Variants in AHNAK2 observed in about 807,000 individuals in gnomAD.
The protein encoded by AHNAK2 is AHNAK nucleoprotein 2, also known as protein AHNAK2.
Under a neutral mutation model 30.7 loss-of-function variants are expected in AHNAK2, and 18 were observed. The observed-to-expected ratio is 0.59, with a 90% CI of 0.41 to 0.87. AHNAK2 has a LOEUF of 0.87. AHNAK2 is among the 40% of genes least tolerant of loss of function. AHNAK2 has a pLI of 0.00. For synonymous variants in AHNAK2, 3,590 were observed against 3,073.8 expected (o/e 1.17, Z -5.56); for missense variants, 8,604 against 7,373.0 (o/e 1.17, Z -6.11).
Position 104,944,556 on chromosome 14 carries a change from G to C in AHNAK2, c.10895C>G (p.Thr3632Ser), listed in dbSNP as rs202237811. The C allele has an allele frequency of 1.2e-6, 2 of 1,613,214 alleles. No homozygotes were observed. The highest frequency in any genetic ancestry group is 4.5e-5 in the East Asian group (2 of 44,830). ...GDLSLADKDV[T>S]AKDSKFKMPK... ...CATTTTGAACTTGCTGTCTTTGGCA[G>C]TCACGTCCTTGTCAGCCAGGGACAG... Residue 3632 changes from threonine (T) to serine (S), a missense_variant, in exon 7 of 7, where the codon ACT becomes AGT. Transcript: ENST00000333244.
In AHNAK2 at chr14:104,951,575, G is replaced by A. The variant is rs779963206; in HGVS notation, c.3876C>T (p.Pro1292=). The stretch of plus-strand genomic sequence containing the variant: ...GGGCCTGCATGTCCACCTCCACACT[G>A]GGCAGAGACACAGCCACTTCGTGGG... ...VTAHEVAVSL[P]SVEVDMQAPG... Residue 1292 remains proline, a synonymous_variant, in exon 7 of 7, where the codon CCC becomes CCT. Coordinates refer to ENST00000333244, the MANE Select transcript of AHNAK2 (RefSeq NM_138420.4). The A allele has an allele frequency of 4.5e-5, 56 of 1,247,798 alleles. 21 individuals carry two copies. Among genetic ancestry groups the A allele is most frequent in the Middle Eastern group, 2.5e-4 (1 of 4,002 alleles). The allele number at this position is 1,247,798 out of a possible 1,614,324, so 77.3% of individuals were successfully genotyped here.
chr14:104,944,731 G>A lies in AHNAK2; in HGVS notation c.10720C>T (p.Pro3574Ser), dbSNP rs1486209335. ...LKTPKVDLKG[P>S]QIDVKGPKLD... The stretch of plus-strand genomic sequence containing the variant: ...TTGGGGCCCTTAACATCTATCTGGG[G>A]GCCCTTGAGGTCCACTTTGGGCGTC... Residue 3574 changes from proline (P) to serine (S), a missense_variant, in exon 7 of 7, where the codon CCC (proline) becomes TCC (serine). Coordinates refer to ENST00000333244, the MANE Select transcript of AHNAK2 (RefSeq NM_138420.4). The A allele has an allele frequency of 3.1e-6, 5 of 1,612,226 alleles. No individual in the cohort carries two copies. The highest frequency in any genetic ancestry group is 4.2e-6 in the Non-Finnish European group (5 of 1,179,458).
chr14:104,944,840 C>T lies in AHNAK2; in HGVS notation c.10611G>A (p.Val3537=). 3 of 1,612,722 alleles carry T rather than the reference C, an allele frequency of 1.9e-6. No homozygotes were observed. The East Asian group carries it at 6.7e-5, about 36-fold the overall frequency. Reference sequence around the variant, plus strand: ...CGGGGCCCTCCAGGAGTTCCACATCCACTTGGACAGCCTGGACCTCCAGGT... The same window carrying T: ...CGGGGCCCTCCAGGAGTTCCACATCTACTTGGACAGCCTGGACCTCCAGGT... ...SADLEVQAVQ[V]DVELLEGPVP... Residue 3537 remains valine, a synonymous_variant, in exon 7 of 7, where the codon GTG becomes GTA. Transcript: ENST00000333244.
Position 104,939,572 on chromosome 14 carries a change from G to A in AHNAK2, c.15879C>T (p.Ser5293=), listed in dbSNP as rs1220787153. 16 of 1,613,706 alleles carry A rather than the reference G, an allele frequency of 9.9e-6. No individual in the cohort carries two copies. Among genetic ancestry groups the A allele is most frequent in the Admixed American group, 1.7e-5 (1 of 59,998 alleles). The stretch of plus-strand genomic sequence containing the variant: ...ATGGATGGATCCTGACCTCAGAAGT[G>A]GAAAGCTCATCCCCAGTCATCCCAG... The part of the protein sequence containing the change: ...STAGMTGDEL[S]TSEVRIHPSK... The change falls in exon 7 of 7, where the codon TCC becomes TCT. Residue 5293 remains serine, a synonymous_variant. Coordinates refer to ENST00000333244, the MANE Select transcript of AHNAK2 (RefSeq NM_138420.4).
chr14:104,944,688 G>A lies in AHNAK2; in HGVS notation c.10763C>T (p.Pro3588Leu). 1 of 1,612,918 alleles carries A rather than the reference G, an allele frequency of 6.2e-7. No homozygotes were observed. Among genetic ancestry groups the A allele is most frequent in the Non-Finnish European group, 8.5e-7 (1 of 1,179,612 alleles). ...ATCGGGGACTCTCACTTCTGCCTTGGGGCCTTTCAGGTCCAGCTTGGGGCC... is the reference window on the plus strand; with the variant it reads ...ATCGGGGACTCTCACTTCTGCCTTGAGGCCTTTCAGGTCCAGCTTGGGGCC... ...VKGPKLDLKGPKAEVRVPDVE... is the reference protein window; with the variant it reads ...VKGPKLDLKGLKAEVRVPDVE... Residue 3588 changes from proline to leucine, a missense_variant, in exon 7 of 7, where the codon CCC (proline) becomes CTC (leucine). Pro to Leu is a moderately conservative substitution (Grantham distance 98). Coordinates refer to ENST00000333244, the MANE Select transcript of AHNAK2 (RefSeq NM_138420.4).
chr14:104,950,521 G>C lies in AHNAK2; in HGVS notation c.4930C>G (p.Leu1644Val). ...KLDGAQLEGD[L>V]SLADKAVTAK... ...GTCACCGCCTTGTCGGCCAGGGACA[G>C]GTCCCCCTCCAGCTGCGCACCATCC... Residue 1644 changes from leucine to valine, a missense_variant, in exon 7 of 7, where the codon CTG becomes GTG. Coordinates refer to ENST00000333244, the MANE Select transcript of AHNAK2 (RefSeq NM_138420.4). 1 of 1,586,238 alleles carries C rather than the reference G, an allele frequency of 6.3e-7. No homozygotes were observed. The highest frequency in any genetic ancestry group is 8.6e-7 in the Non-Finnish European group (1 of 1,162,754).
chr14:104,952,502 G>A lies in AHNAK2; in HGVS notation c.2949C>T (p.Asp983=). Residue 983 remains aspartate, a synonymous_variant, in exon 7 of 7, where the codon GAC becomes GAT. Coordinates refer to ENST00000333244, the MANE Select transcript of AHNAK2 (RefSeq NM_138420.4). The stretch of plus-strand genomic sequence containing the variant: ...TCACGTCCTTGTCGGCCAGGGACAG[G>A]TCCCCCTCCAGCCACGCACCATCCA... The part of the protein sequence containing the change: ...AKLDGAWLEG[D]LSLADKDVTA... 1 of 1,611,304 alleles carries A rather than the reference G, an allele frequency of 6.2e-7. No homozygotes were observed. The highest frequency in any genetic ancestry group is 8.5e-7 in the Non-Finnish European group (1 of 1,179,206).
At position 104,949,985 on chromosome 14, in the gene AHNAK2, C is replaced by T. The variant is rs1018322808; in HGVS notation, c.5466G>A (p.Lys1822=). ...GCATCTTGAACTTGGGCATTTTGAACTTGCTGTCTTTGGCAGTCACATCCT... is the reference window on the plus strand; with the variant it reads ...GCATCTTGAACTTGGGCATTTTGAATTTGCTGTCTTTGGCAGTCACATCCT... ...ADKDVTAKDS[K]FKMPKFKMPS... The change falls in exon 7 of 7, where the codon AAG becomes AAA. Residue 1822 remains lysine, a synonymous_variant. Transcript: ENST00000333244. The T allele has an allele frequency of 7.6e-6, 12 of 1,588,720 alleles. No individual in the cohort carries two copies. The highest frequency in any genetic ancestry group is 4.1e-5 in the African/African-American group (3 of 72,406).
intron 1 of AHNAK2, among the ~76,000 whole-genome samples, chr14:104,974,177 C>T (rs1303020914): frequency 6.6e-6 from 1 of 152,254 alleles, no homozygotes; most frequent in Non-Finnish European, 1.5e-5. Flanking sequence ...AAGCTCGCAG[C>T]GTGGCTGGGG....
Position 104,947,107 on chromosome 14 carries a change from C to G in AHNAK2, c.8344G>C (p.Asp2782His), listed in dbSNP as rs752414335. The stretch of plus-strand genomic sequence containing the variant: ...AGCTTTGCTCTCGGGGCCTGGACGT[C>G]CACCTCCATGCTGGACAGAGACATC... Reference protein sequence around the residue: ...VKMSLSSMEVDVQAPRAKLDG... With the variant: ...VKMSLSSMEVHVQAPRAKLDG... The change falls in exon 7 of 7, where the codon GAC (aspartate) becomes CAC (histidine). Residue 2782 changes from aspartate to histidine, a missense_variant. Physicochemically the swap from Asp to His is moderately conservative, Grantham distance 81 (BLOSUM62 -1). Transcript: ENST00000333244. 1 of 1,612,350 alleles carries G rather than the reference C, an allele frequency of 6.2e-7. No individual in the cohort carries two copies. Among genetic ancestry groups the G allele is most frequent in the Non-Finnish European group, 8.5e-7 (1 of 1,179,528 alleles).
In AHNAK2 at chr14:104,948,913, G is replaced by C. The variant is rs201959909; in HGVS notation, c.6538C>G (p.Pro2180Ala). ...CTCATGTCGGCCTCCACCTTGGGTG[G>C]AGACACATCCACCGAGGCCTCGATG... is the stretch of plus-strand genomic sequence containing the variant. ...KSIEASVDVS[P>A]PKVEADMSLP... Residue 2180 changes from proline to alanine, a missense_variant, in exon 7 of 7, where the codon CCA becomes GCA. Transcript: ENST00000333244. 0.013 allele frequency: 19,625 copies of C among 1,490,722 alleles called. 1,302 individuals are homozygous for C. In the African/African-American group the frequency reaches 0.18, roughly 14 times the overall value. The allele number at this position is 1,490,722 out of a possible 1,614,324, so 92.3% of individuals were successfully genotyped here.
At position 104,941,327 on chromosome 14, in the gene AHNAK2, T is replaced by G; in HGVS notation, c.14124A>C (p.Lys4708Asn). The change falls in exon 7 of 7, where the codon AAA becomes AAC. Residue 4708 changes from lysine (K) to asparagine (N), a missense_variant. By Grantham distance (94) the Lys-to-Asn change is moderately conservative. Transcript: ENST00000333244. ...GAGTTTTGGTAGAAGAAAATGAAAC[T>G]TTGGGCACTTTAAAATGCAGTTTCT... ...KFKKLHFKVPKVSFSSTKTPK... is the reference protein window; with the variant it reads ...KFKKLHFKVPNVSFSSTKTPK... The G allele has an allele frequency of 6.2e-7, 1 of 1,613,600 alleles. No homozygotes were observed. The highest frequency in any genetic ancestry group is 8.5e-7 in the Non-Finnish European group (1 of 1,179,892).
Position 104,948,435 on chromosome 14 carries a change from G to A in AHNAK2, c.7016C>T (p.Ala2339Val), listed in dbSNP as rs1168262617. The A allele has an allele frequency of 3.1e-6, 5 of 1,611,040 alleles. No individual in the cohort carries two copies. In the South Asian group the frequency reaches 5.5e-5, roughly 18 times the overall value. ...CTTCAACGCAGACACATCCGCTGAG[G>A]CCTCGATGGACTTGCCAAGGGCAGA... ...GVSALGKSIE[A>V]SADVSALKVE... is the part of the protein sequence containing the mutation. The change falls in exon 7 of 7, where the codon GCC becomes GTC. Residue 2339 changes from alanine (A) to valine (V), a missense_variant. By Grantham distance (64) the Ala-to-Val change is moderately conservative. Transcript: ENST00000333244.
chr14:104,974,154 T>G (rs1170238701), intron 1 of AHNAK2, among the ~76,000 whole-genome samples: 1 of 152,236 alleles, frequency 6.6e-6, no homozygotes, highest in Admixed American at 6.5e-5. Flanking sequence ...TGGGGCCTGG[T>G]GGAGACACCC....
rs74090139 is a variant in AHNAK2 at position 104,966,212 on chromosome 14, C to T, written c.56-8540G>A. Among the ~76,000 whole-genome samples, 3,109 of 152,196 alleles carry T rather than the reference C, an allele frequency of 0.02. 100 individuals carry two copies. Among genetic ancestry groups the T allele is most frequent in the African/African-American group, 0.068 (2,827 of 41,498 alleles). On this transcript the variant is annotated intron_variant, in intron 1 of 6. Transcript: ENST00000333244. The surrounding 1 kb of genome is among the most constrained non-coding windows in gnomAD (Gnocchi z 4.3). ...GCCAGGAGGCATCAACACTCACCCC[C>T]ACGTCATCCCGGCCCCGCCACCTTC...
chr14:104,956,465 C>T (rs1193343096), intron 4 of AHNAK2, 123 bp downstream of exon 4: 1 of 959,184 alleles, frequency 1.0e-6, no homozygotes, highest in African/African-American at 1.6e-5. Context: ...CCCTCCTCCC[C>T]AGGGCACGGG....
In AHNAK2 at chr14:104,939,584, C is replaced by T. The variant is rs781069586; in HGVS notation, c.15867G>A (p.Gly5289=). The change falls in exon 7 of 7, where the codon GGG becomes GGA. Residue 5289 remains glycine, a synonymous_variant. Coordinates refer to ENST00000333244, the MANE Select transcript of AHNAK2 (RefSeq NM_138420.4). ...KLHLSTAGMT[G]DELSTSEVRI... ...TGACCTCAGAAGTGGAAAGCTCATC[C>T]CCAGTCATCCCAGCAGTGGAGAGGT... is the stretch of plus-strand genomic sequence containing the variant. 3 of 1,613,688 alleles carry T rather than the reference C, an allele frequency of 1.9e-6. No individual in the cohort carries two copies. The highest frequency in any genetic ancestry group is 2.5e-6 in the Non-Finnish European group (3 of 1,179,858).
At position 104,942,792 on chromosome 14, in the gene AHNAK2, T is replaced by A. The variant is rs777595240; in HGVS notation, c.12659A>T (p.Gln4220Leu). ...AGLKGHLPKVQMPCLKMPKVA... is the reference protein window; with the variant it reads ...AGLKGHLPKVLMPCLKMPKVA... ...TTTGGGCATCTTCAAACAGGGCATC[T>A]GCACCTTGGGGAGGTGCCCTTTGAG... Residue 4220 changes from glutamine (Q) to leucine (L), a missense_variant, in exon 7 of 7, where the codon CAG becomes CTG. Physicochemically the swap from Gln to Leu is moderately radical, Grantham distance 113. Transcript: ENST00000333244. 6.2e-7 allele frequency: 1 copy of A among 1,612,916 alleles called. No individual in the cohort carries two copies. The highest frequency in any genetic ancestry group is 1.7e-5 in the Admixed American group (1 of 59,948).
Position 104,948,119 on chromosome 14 carries a change from C to T in AHNAK2, c.7332G>A (p.Val2444=), listed in dbSNP as rs1898406039. The change falls in exon 7 of 7, where the codon GTG becomes GTA. Residue 2444 remains valine (V), a synonymous_variant. Transcript: ENST00000333244. ...KTDVMAPDVE[V]SQPSVEVDVE... ...CATCCACCTCCACGCTGGGCTGAGA[C>T]ACCTCCACGTCGGGGGCCATCACGT... The T allele has an allele frequency of 1.2e-6, 2 of 1,612,374 alleles. No homozygotes were observed. The highest frequency in any genetic ancestry group is 1.7e-6 in the Non-Finnish European group (2 of 1,179,624).
Sources: gnomAD v4.1 joint callset for allele counts (sites outside exome capture counted in the v4.1 genomes callset) on GRCh38, gnomAD v4.1.1 for gene constraint, Gnocchi (gnomAD v3.1) non-coding constraint, MANE v1.5 for transcripts, NCBI Gene and HGNC (gene_info 2026-07-23, HGNC 2026-07-21) for gene names.